The following FUZ variants were observed in gnomAD, a reference collection of about 807,000 sequenced individuals.
The protein encoded by FUZ is fuzzy planar cell polarity protein.
In FUZ, 31 loss-of-function variants were observed where a neutral mutation model predicts 43.1. That is an observed-to-expected ratio of 0.72 (90% CI 0.54 to 0.97). The LOEUF (loss-of-function observed/expected upper bound fraction) is 0.97. Among genes scored for constraint, FUZ ranks in the 50% least tolerant of loss-of-function variants. The pLI, the probability that FUZ is intolerant of heterozygous loss-of-function variation, is 0.00. For missense variants in FUZ, 539 were observed against 543.8 expected (o/e 0.99, Z 0.09); for synonymous variants, 274 against 250.0 (o/e 1.10, Z -0.91).
chr19:49,807,071 G>T lies in FUZ; in HGVS notation c.*80C>A. On this transcript the variant is annotated 3_prime_UTR_variant, in exon 11 of 11. Transcript: ENST00000313777. ...CCCCTCCTACCCCCTCCCCATCCAG[G>T]GGCTGTGTATTATTGTGAGCGAATA... 1 of 1,354,166 alleles carries T rather than the reference G, an allele frequency of 7.4e-7. No homozygotes were observed. The highest frequency in any genetic ancestry group is 9.8e-7 in the Non-Finnish European group (1 of 1,018,952). The allele number at this position is 1,354,166 out of a possible 1,614,324, so 83.9% of individuals were successfully genotyped here.
Position 49,813,004 on chromosome 19 carries a change from G to C in FUZ, c.103C>G (p.Arg35Gly). The change falls in exon 1 of 11, where the codon CGT becomes GGT. Residue 35 changes from arginine (R) to glycine (G), a missense_variant. Arg to Gly is a moderately radical substitution (Grantham distance 125, BLOSUM62 -2). Transcript: ENST00000313777. ...GGCGTCCAAGGCCCCACCTGCTGAC[G>C]GGCGGGGGCGCCGCCGCGACTGCTC... Reference protein sequence around the residue: ...CRSSRGGAPARQQLPFSVIGS... With the variant: ...CRSSRGGAPAGQQLPFSVIGS... 1 of 1,550,732 alleles carries C rather than the reference G, an allele frequency of 6.4e-7. No individual in the cohort carries two copies. The highest frequency in any genetic ancestry group is 8.7e-7 in the Non-Finnish European group (1 of 1,146,706).
chr19:49,813,393 C>T (rs1320915742), upstream of FUZ: 26 of 507,772 alleles, frequency 5.1e-5, no homozygotes, highest in Non-Finnish European at 3.6e-6. Flanking sequence ...TTTCTAGTTT[C>T]TCCGAGGAGG....
intron 10 of FUZ, chr19:49,808,132 T>G: frequency 6.7e-5 from 33 of 491,150 alleles, no homozygotes; most frequent in East Asian, 1.2e-4. Context: ...GATGAAGTGA[T>G]TTCATTCTTT....
At position 49,813,282 on chromosome 19, in the gene FUZ, C is replaced by G; in HGVS notation, c.-176G>C. ...ACCCAACTCAAACAGACCCTCAAACCCTATTCAGGCACCTCCCCCAAACCC... is the reference window on the plus strand; with the variant it reads ...ACCCAACTCAAACAGACCCTCAAACGCTATTCAGGCACCTCCCCCAAACCC... On this transcript the variant is annotated 5_prime_UTR_variant, in exon 1 of 11. Coordinates refer to ENST00000313777, the MANE Select transcript of FUZ (RefSeq NM_025129.5). The G allele has an allele frequency of 1.4e-6, 1 of 708,780 alleles. No individual in the cohort carries two copies. The highest frequency in any genetic ancestry group is 2.7e-5 in the East Asian group (1 of 37,096). 43.9% of individuals were successfully genotyped at this position (708,780 alleles called of 1,614,324 possible). A position where few individuals can be genotyped will look rare whatever the true frequency, so the allele number is the denominator to read the frequency against.
intron 10 of FUZ, 71 bp from the exon 11 acceptor site, chr19:49,807,445 A>ATGT: frequency 6.8e-7 from 1 of 1,467,338 alleles, no homozygotes; most frequent in Non-Finnish European, 9.4e-7. Flanking sequence ...CCACATCCTG[A>ATGT]TCCCAAGTTC....
chr19:49,807,550 A>G (rs1189836565), intron 10 of FUZ, among the ~76,000 whole-genome samples, 176 bp from the exon 11 acceptor site: 1 of 152,076 alleles, frequency 6.6e-6, no homozygotes, highest in Non-Finnish European at 1.5e-5. Flanking sequence ...TGAAGACCAC[A>G]ATGATGTCAC....
In FUZ at chr19:49,807,113, C is replaced by T. The variant is rs771092052; in HGVS notation, c.*38G>A. 6.9e-7 allele frequency: 1 copy of T among 1,446,572 alleles called. No individual in the cohort carries two copies. Among genetic ancestry groups the T allele is most frequent in the African/African-American group, 1.5e-5 (1 of 68,038 alleles). The allele number at this position is 1,446,572 out of a possible 1,614,324, so 89.6% of individuals were successfully genotyped here. A position where few individuals can be genotyped will look rare whatever the true frequency, so the allele number is the denominator to read the frequency against. ...GAGCGAATAAACAGAGAGACGCTAA[C>T]AGCCCCATGTCTGTGTCCATCACCC... On this transcript the variant is annotated 3_prime_UTR_variant, in exon 11 of 11. Transcript: ENST00000313777.
intron 2 of FUZ, 70 bp from the exon 3 acceptor site, chr19:49,812,405 C>T (rs2073836506): frequency 1.4e-6 from 2 of 1,413,740 alleles, no homozygotes; most frequent in Non-Finnish European, 2.0e-6. Context: ...GGAGTCCGCC[C>T]ATTGATCCTA....
At chr19:49,808,550 G>A in intron 9 of FUZ, 24 bp downstream of exon 9, 1 of 1,596,444 alleles carries the variant, frequency 6.3e-7, no homozygotes. Flanking sequence ...TCCTACCCCT[G>A]CCCCTGCCCC....
chr19:49,808,418 T>G lies in FUZ; in HGVS notation c.1029A>C (p.Pro343=). ...FYTLVTSTHF[P]PEPGPPEKTE... is the part of the protein sequence containing the mutation. ...AGCACTGTGCCTTCCGCTGACCTGG[T>G]GGGAAGTGCGTGGAGGTGACCAGGG... is the stretch of plus-strand genomic sequence containing the variant. The change falls in exon 10 of 11, where the codon CCA becomes CCC. Residue 343 remains proline, a synonymous_variant. Transcript: ENST00000313777. 1 of 1,611,840 alleles carries G rather than the reference T, an allele frequency of 6.2e-7. No homozygotes were observed. Among genetic ancestry groups the G allele is most frequent in the Non-Finnish European group, 8.5e-7 (1 of 1,179,336 alleles).
chr19:49,808,244 T>A (rs2073506857), intron 10 of FUZ, 170 bp downstream of exon 10: 2 of 738,774 alleles, frequency 2.7e-6, no homozygotes, highest in Non-Finnish European at 4.7e-6. Flanking sequence ...TCCCTTCCCC[T>A]CCCTTCCCAT....
At chr19:49,807,430 C>T in intron 10 of FUZ, 56 bp from the exon 11 acceptor site, 2 of 1,508,840 alleles carry the variant, frequency 1.3e-6, no homozygotes, top group Non-Finnish European at 9.0e-7. Flanking sequence ...CCTTTGCAAG[C>T]CACACCACAT....
chr19:49,812,719 G>A lies in FUZ; in HGVS notation c.129C>T (p.Ile43=), dbSNP rs774697761. 1.2e-6 allele frequency: 2 copies of A among 1,613,990 alleles called. No homozygotes were observed. The highest frequency in any genetic ancestry group is 1.7e-5 in the Admixed American group (1 of 60,024). Residue 43 remains isoleucine (I), a synonymous_variant, in exon 2 of 11, where the codon ATC becomes ATT. Transcript: ENST00000313777. ...PARQQLPFSV[I]GSLNGVHMFG... ...ACATGTGGACTCCATTGAGGGAACCGATGACAGAGAACGGGAGCTAAGGAG... is the reference window on the plus strand; with the variant it reads ...ACATGTGGACTCCATTGAGGGAACCAATGACAGAGAACGGGAGCTAAGGAG...
Position 49,809,272 on chromosome 19 carries a change from C to A in FUZ, c.691-14G>T. On this transcript the variant is annotated splice_polypyrimidine_tract_variant and intron_variant, in intron 6 of 10. Coordinates refer to ENST00000313777, the MANE Select transcript of FUZ (RefSeq NM_025129.5). The surrounding 1 kb of genome is among the most constrained non-coding windows in gnomAD (Gnocchi z 5.1). ...CCGGTGTGGGACCTGAAGCAGGGCA[C>A]AGGCTGGGGCTCATCGCGGCCCGGC... The A allele has an allele frequency of 6.4e-7, 1 of 1,550,520 alleles. No homozygotes were observed. Among genetic ancestry groups the A allele is most frequent in the Non-Finnish European group, 8.7e-7 (1 of 1,146,826 alleles).
At position 49,812,644 on chromosome 19, in the gene FUZ, CGT is replaced by C. The variant is rs2073847608; in HGVS notation, c.202_203del (p.Thr68AspfsTer9). ...VQLSSARTEN[T>X]TVVWKSFHDS... ...CATGGAAGCTTTTCCACACCACAGT[CGT>C]GTTCTCGGTCCTCGCAGAGCTCAGC... On this transcript the variant is annotated frameshift_variant, in exon 2 of 11. Coordinates refer to ENST00000313777, the MANE Select transcript of FUZ (RefSeq NM_025129.5). LOFTEE classifies it high-confidence loss of function. 2 of 1,614,044 alleles carry C rather than the reference CGT, an allele frequency of 1.2e-6. No individual in the cohort carries two copies. The highest frequency in any genetic ancestry group is 1.1e-5 in the South Asian group (1 of 91,078).
Position 49,808,499 on chromosome 19 carries a change from GA to G in FUZ, c.959-12del, listed in dbSNP as rs1305570215. On this transcript the variant is annotated splice_polypyrimidine_tract_variant and intron_variant, in intron 9 of 10. Coordinates refer to ENST00000313777, the MANE Select transcript of FUZ (RefSeq NM_025129.5). ...GTTCTGGTGAAGGCTCTGCTGGGAG[GA>G]AAAGGCGGTGATGCAGAGCGCCTCC... 4 of 1,609,930 alleles carry G rather than the reference GA, an allele frequency of 2.5e-6. No individual in the cohort carries two copies. The Admixed American group carries it at 5.0e-5, about 20-fold the overall frequency.
chr19:49,807,021 C>CGG lies in FUZ; in HGVS notation c.*129_*130insCC. The CGG allele has an allele frequency of 1.0e-6, 1 of 960,862 alleles. No homozygotes were observed. Among genetic ancestry groups the CGG allele is most frequent in the Non-Finnish European group, 1.5e-6 (1 of 656,160 alleles). The allele number at this position is 960,862 out of a possible 1,614,324, so 59.5% of individuals were successfully genotyped here. A position where few individuals can be genotyped will look rare whatever the true frequency, so the allele number is the denominator to read the frequency against. On this transcript the variant is annotated 3_prime_UTR_variant, in exon 11 of 11. Coordinates refer to ENST00000313777, the MANE Select transcript of FUZ (RefSeq NM_025129.5). ...GGGGCCAGGGAAGTGGATGTCTCCT[C>CGG]CCCTCCCACCCCACCCTGTTGTAGC...
chr19:49,806,897 T>A lies in FUZ; in HGVS notation c.*254A>T. ...GGATGCCTGGGACTTTCCTCCGGCC[T>A]TTTGTATTTTTATTTTTGTTCATCT... On this transcript the variant is annotated 3_prime_UTR_variant, in exon 11 of 11. Coordinates refer to ENST00000313777, the MANE Select transcript of FUZ (RefSeq NM_025129.5). 6.5e-7 allele frequency: 1 copy of A among 1,540,954 alleles called. No individual in the cohort carries two copies. Among genetic ancestry groups the A allele is most frequent in the Non-Finnish European group, 8.7e-7 (1 of 1,148,394 alleles).
At position 49,807,271 on chromosome 19, in the gene FUZ, A is replaced by G. The variant is rs2073433660; in HGVS notation, c.1137T>C (p.Arg379=). The change falls in exon 11 of 11, where the codon CGT becomes CGC. Residue 379 remains arginine (R), a synonymous_variant. Coordinates refer to ENST00000313777, the MANE Select transcript of FUZ (RefSeq NM_025129.5). ...GAAGCCCCAGCTGCAAGGCCACCAG[A>G]CGCACTCCTGTGCCTGGTTCCTCAG... ...LGTEEPGTGV[R]LVALQLGLRR... 1.9e-6 allele frequency: 3 copies of G among 1,613,078 alleles called. No homozygotes were observed. The highest frequency in any genetic ancestry group is 2.5e-6 in the Non-Finnish European group (3 of 1,179,756).
Sources: allele counts gnomAD v4.1 joint callset (sites outside exome capture counted in the v4.1 genomes callset), GRCh38; gene constraint gnomAD v4.1.1; non-coding constraint Gnocchi (gnomAD v3.1); transcripts MANE v1.5; gene names NCBI Gene and HGNC (gene_info 2026-07-23, HGNC 2026-07-21).